The following GPC5 variants were observed in gnomAD, a reference collection of about 807,000 sequenced individuals.
The protein encoded by GPC5 is glypican-5.
GPC5 carries 47 observed loss-of-function variants against 53.9 expected under a neutral mutation model. The ratio of observed to expected loss-of-function variants is 0.87; its 90% CI spans 0.69 to 1.11. GPC5 has a LOEUF of 1.11. Ranked by LOEUF, GPC5 falls within the 50% of genes most tolerant of loss-of-function variation. The probability of loss-of-function intolerance (pLI) is 0.00; values close to 1 mark genes in which losing one functional copy is unlikely to be tolerated. For missense variants in GPC5, 748 were observed against 713.1 expected (o/e 1.05, Z -0.56); for synonymous variants, 286 against 263.3 (o/e 1.09, Z -0.84).
At chr13:92,303,166 A>T (rs951558823) in intron 7 of GPC5, among the ~76,000 whole-genome samples, 1 of 151,918 alleles carries the variant, frequency 6.6e-6, no homozygotes, top group African/African-American at 2.4e-5. Context: ...GAGGGATGGG[A>T]TAGAACAAGT....
At chr13:92,632,485 TACAC>T (rs1555297294) in intron 7 of GPC5, among the ~76,000 whole-genome samples, 5 of 137,644 alleles carry the variant, frequency 3.6e-5, no homozygotes, top group African/African-American at 1.1e-4. Context: ...TATATATATA[TACAC>T]ATATATATAT....
At chr13:91,594,998 A>G (rs1434443196) in intron 2 of GPC5, among the ~76,000 whole-genome samples, 1 of 25,008 alleles carries the variant, frequency 4.0e-5, no homozygotes, top group Non-Finnish European at 1.4e-4. Flanking sequence ...TTATTTATTT[A>G]TTTATTTATT....
intron 7 of GPC5, among the ~76,000 whole-genome samples, chr13:92,158,060 T>C (rs747425632): frequency 7.2e-5 from 11 of 152,202 alleles, no homozygotes; most frequent in Non-Finnish European, 1.3e-4. Flanking sequence ...AATATCATCT[T>C]AGAAATTATA....
At chr13:91,830,963 T>A (rs909283352) in intron 5 of GPC5, among the ~76,000 whole-genome samples, 1 of 136,798 alleles carries the variant, frequency 7.3e-6, no homozygotes, top group East Asian at 2.0e-4. Context: ...ATATATATCC[T>A]ATTATATATT....
chr13:92,800,398 C>A (rs980910445), intron 7 of GPC5, among the ~76,000 whole-genome samples: 2 of 151,834 alleles, frequency 1.3e-5, no homozygotes, highest in Admixed American at 6.6e-5. Context: ...ACCCTAACTA[C>A]ACTGCATTTA....
At chr13:92,534,097 G>T (rs919079594) in intron 7 of GPC5, among the ~76,000 whole-genome samples, 2 of 151,958 alleles carry the variant, frequency 1.3e-5, no homozygotes, top group African/African-American at 4.8e-5. Context: ...GACCAGCCTG[G>T]GCAATATAGT....
At chr13:92,073,751 A>G (rs754546432) in intron 6 of GPC5, among the ~76,000 whole-genome samples, 10 of 152,182 alleles carry the variant, frequency 6.6e-5, no homozygotes, top group Non-Finnish European at 1.5e-4. Context: ...CTCATTTACA[A>G]TGAAGTCAGT....
At chr13:92,640,158 G>GTA (rs931978412) in intron 7 of GPC5, among the ~76,000 whole-genome samples, 13 of 151,770 alleles carry the variant, frequency 8.6e-5, no homozygotes, top group Admixed American at 4.6e-4. Context: ...GTATGTATGT[G>GTA]TATATATATA....
chr13:92,801,124 G>A (rs976861693), intron 7 of GPC5, among the ~76,000 whole-genome samples: 1 of 151,716 alleles, frequency 6.6e-6, no homozygotes, highest in Admixed American at 6.6e-5. Flanking sequence ...GTGTATGTGT[G>A]TGTGTAGTGT....
At chr13:92,353,977 G>A (rs912066409) in intron 7 of GPC5, among the ~76,000 whole-genome samples, 8 of 152,130 alleles carry the variant, frequency 5.3e-5, no homozygotes, top group African/African-American at 1.9e-4. Context: ...TGTAACAGTA[G>A]TTTTTTAGAA....
intron 7 of GPC5, among the ~76,000 whole-genome samples, chr13:92,784,961 C>T (rs1356952552): frequency 2.6e-5 from 4 of 152,206 alleles, no homozygotes; most frequent in African/African-American, 4.8e-5. Flanking sequence ...CCTAAAAATA[C>T]GTATACTGAA....
chr13:92,579,834 TTC>T lies in GPC5; in HGVS notation c.1562-286432_1562-286431del, dbSNP rs150864096. 2.4e-3 allele frequency among the ~76,000 whole-genome samples: 363 copies of T among 150,842 alleles called. 3 individuals are homozygous for T. Among genetic ancestry groups the T allele is most frequent in the African/African-American group, 8.1e-3 (333 of 41,248 alleles). ...CTAGACCTAACACATCCTATAAGGT[TTC>T]TCTCTCTCTCTCTCTTTCTTTATCA... On this transcript the variant is annotated intron_variant, in intron 7 of 7. Coordinates refer to ENST00000377067, the MANE Select transcript of GPC5 (RefSeq NM_004466.6).
intron 7 of GPC5, among the ~76,000 whole-genome samples, chr13:92,856,979 C>A (rs1879021678): frequency 6.6e-6 from 1 of 151,692 alleles, no homozygotes; most frequent in Non-Finnish European, 1.5e-5. Context: ...GAAAAAAAAT[C>A]AAAATTTATA....
chr13:92,203,867 A>G (rs963556800), intron 7 of GPC5, among the ~76,000 whole-genome samples: 2 of 151,778 alleles, frequency 1.3e-5, no homozygotes, highest in Admixed American at 1.3e-4. Flanking sequence ...AATCAAAATC[A>G]AAGAGAAAAT....
chr13:91,876,157 G>GT (rs1476939024), intron 5 of GPC5, among the ~76,000 whole-genome samples: 6 of 152,186 alleles, frequency 3.9e-5, no homozygotes, highest in African/African-American at 7.2e-5. Context: ...TTGTGGAACT[G>GT]TAAGTCCACT....
At chr13:91,546,871 A>G (rs1341318179) in intron 2 of GPC5, among the ~76,000 whole-genome samples, 1 of 152,122 alleles carries the variant, frequency 6.6e-6, no homozygotes, top group African/African-American at 2.4e-5. Flanking sequence ...AAGTGGATAC[A>G]GTGGTTAGGT....
chr13:92,038,354 A>AGATAGAT (rs1478895506), intron 6 of GPC5, among the ~76,000 whole-genome samples: 5 of 18,070 alleles, frequency 2.8e-4, no homozygotes, highest in African/African-American at 1.0e-3. Flanking sequence ...TATGCTAGAT[A>AGATAGAT]GATAGATAGA....
At chr13:92,846,090 C>T (rs891064483) in intron 7 of GPC5, among the ~76,000 whole-genome samples, 2 of 152,054 alleles carry the variant, frequency 1.3e-5, no homozygotes, top group Non-Finnish European at 2.9e-5. Flanking sequence ...TACAGTTCTG[C>T]AGGGCTGGTG....
At chr13:92,846,297 C>T (rs1208249208) in intron 7 of GPC5, among the ~76,000 whole-genome samples, 2 of 152,144 alleles carry the variant, frequency 1.3e-5, no homozygotes, top group Non-Finnish European at 2.9e-5. Context: ...CCTCCCCCAA[C>T]ACATGGGAAA....
Sources: allele counts gnomAD v4.1 joint callset (sites outside exome capture counted in the v4.1 genomes callset), GRCh38; gene constraint gnomAD v4.1.1; transcripts MANE v1.5; gene names NCBI Gene and HGNC (gene_info 2026-07-23, HGNC 2026-07-21).